Variants in CIT observed in about 807,000 individuals in gnomAD.
CIT encodes the protein citron Rho-interacting kinase.
In CIT, 79 loss-of-function variants were observed where a neutral mutation model predicts 272.7. The observed-to-expected ratio is 0.29, with a 90% CI of 0.24 to 0.35. The LOEUF (loss-of-function observed/expected upper bound fraction) is 0.35, where lower values mean the gene tolerates loss of function less well. CIT is among the 10% of genes least tolerant of loss of function. The probability of loss-of-function intolerance (pLI) is 1.00; values close to 1 mark genes in which losing one functional copy is unlikely to be tolerated. For missense variants in CIT, 1,909 were observed against 2,618.3 expected (o/e 0.73, Z 5.91); for synonymous variants, 948 against 995.6 (o/e 0.95, Z 0.90).
At chr12:119,803,134 C>T (rs540062072) in intron 10 of CIT, 72 bp downstream of exon 10, 1 of 373,386 alleles carries the variant, frequency 2.7e-6, no homozygotes, top group South Asian at 8.1e-5. Context: ...CCCCCACCCC[C>T]CCACCACCAC....
rs536738117 is a variant in CIT at position 119,822,801 on chromosome 12, G to A, written c.1111+19C>T. On this transcript the variant is annotated intron_variant, in intron 9 of 47. Coordinates refer to ENST00000392521, the MANE Select transcript of CIT (RefSeq NM_001206999.2). Reference sequence around the variant, plus strand: ...TCATAATCCCAACATCCCAAATTAAGGAAAACAGCCCTACTTACAGTTACG... The same window carrying A: ...TCATAATCCCAACATCCCAAATTAAAGAAAACAGCCCTACTTACAGTTACG... 1.2e-4 allele frequency: 187 copies of A among 1,613,000 alleles called. No homozygotes were observed. In the South Asian group the frequency reaches 2.0e-3, roughly 17 times the overall value.
chr12:119,800,932 A>G (rs1204137944), intron 10 of CIT, among the ~76,000 whole-genome samples: 2 of 152,194 alleles, frequency 1.3e-5, no homozygotes, highest in Non-Finnish European at 2.9e-5. Flanking sequence ...GCTTGTAGGT[A>G]TCACCCACAG....
chr12:119,742,276 G>C, intron 24 of CIT, 135 bp downstream of exon 24: 1 of 584,612 alleles, frequency 1.7e-6, no homozygotes, highest in Non-Finnish European at 2.8e-6. Flanking sequence ...TCCAAATAAG[G>C]TTGATTGCAT....
intron 6 of CIT, among the ~76,000 whole-genome samples, chr12:119,833,688 T>C (rs1225572557): frequency 7.3e-6 from 1 of 136,136 alleles, no homozygotes; most frequent in Non-Finnish European, 1.5e-5. Flanking sequence ...AAAAAAAAAA[T>C]TGTAAATTCT....
At chr12:119,774,096 G>C (rs144837766) in intron 16 of CIT, among the ~76,000 whole-genome samples, 3 of 152,268 alleles carry the variant, frequency 2.0e-5, no homozygotes, top group African/African-American at 4.8e-5. Context: ...GGTATATAAA[G>C]TAGTCAAAAT....
At chr12:119,782,418 C>T in intron 13 of CIT, 100 bp downstream of exon 13, 10 of 1,391,494 alleles carry the variant, frequency 7.2e-6, no homozygotes, top group Non-Finnish European at 9.9e-6. Flanking sequence ...CCCTTTCTCT[C>T]TCTCCCTTTC....
intron 46 of CIT, among the ~76,000 whole-genome samples, chr12:119,693,157 C>T: frequency 6.6e-6 from 1 of 152,168 alleles, no homozygotes. Context: ...AAGGAACACA[C>T]CCGTCATTCC....
intron 3 of CIT, among the ~76,000 whole-genome samples, chr12:119,864,605 A>G (rs1950463369): frequency 6.6e-6 from 1 of 152,210 alleles, no homozygotes; most frequent in African/African-American, 2.4e-5. Context: ...CAGTGCTGGG[A>G]TTACAGGCGT....
chr12:119,762,000 C>A (rs142988808), intron 19 of CIT, among the ~76,000 whole-genome samples: 8 of 152,166 alleles, frequency 5.3e-5, no homozygotes, highest in African/African-American at 1.9e-4. Flanking sequence ...AGGCTCCATT[C>A]GACTTTTCCA....
Position 119,697,957 on chromosome 12 carries a change from A to G in CIT, c.5702+19T>C, listed in dbSNP as rs1436052535. 2.5e-6 allele frequency: 4 copies of G among 1,614,092 alleles called. No homozygotes were observed. Among genetic ancestry groups the G allele is most frequent in the East Asian group, 2.2e-5 (1 of 44,876 alleles). On this transcript the variant is annotated intron_variant, in intron 45 of 47. Coordinates refer to ENST00000392521, the MANE Select transcript of CIT (RefSeq NM_001206999.2). The surrounding 1 kb of genome is among the most constrained non-coding windows in gnomAD (Gnocchi z 4.9). ...CCCCAATAGCTGAAGTTTTCCACGCATGGGAGGACAATGCTTACCCTGCTG... is the reference window on the plus strand; with the variant it reads ...CCCCAATAGCTGAAGTTTTCCACGCGTGGGAGGACAATGCTTACCCTGCTG...
chr12:119,699,531 C>T (rs965259244), intron 44 of CIT, among the ~76,000 whole-genome samples: 7 of 152,230 alleles, frequency 4.6e-5, no homozygotes, highest in Admixed American at 1.3e-4. Context: ...ACTCTGCGGT[C>T]TGCTCTAACC....
chr12:119,860,792 T>C (rs2138332030), intron 3 of CIT, among the ~76,000 whole-genome samples: 1 of 149,256 alleles, frequency 6.7e-6, no homozygotes, highest in East Asian at 2.0e-4. Context: ...GGTGAACAGA[T>C]GAGAGGCTAC....
chr12:119,812,136 C>T lies in CIT; in HGVS notation c.1112-8747G>A, dbSNP rs112948040. Among the ~76,000 whole-genome samples, 170 of 151,850 alleles carry T rather than the reference C, an allele frequency of 1.1e-3. 1 individual carries two copies. The highest frequency in any genetic ancestry group is 3.8e-3 in the African/African-American group (156 of 41,430). On this transcript the variant is annotated intron_variant, in intron 9 of 47. Coordinates refer to ENST00000392521, the MANE Select transcript of CIT (RefSeq NM_001206999.2). ...ACTTTTTTTGTATTTTTAGTAGAGACGGGGTTTTACCATGTTGGCCAGGCT... is the reference window on the plus strand; with the variant it reads ...ACTTTTTTTGTATTTTTAGTAGAGATGGGGTTTTACCATGTTGGCCAGGCT...
intron 40 of CIT, among the ~76,000 whole-genome samples, chr12:119,706,698 T>C (rs953915027): frequency 7.2e-5 from 11 of 152,216 alleles, no homozygotes; most frequent in Non-Finnish European, 1.3e-4. Flanking sequence ...TTGATGGGCA[T>C]TTAGGTGGAT....
At chr12:119,734,132 G>C in intron 26 of CIT, 32 bp downstream of exon 26, 1 of 1,608,100 alleles carries the variant, frequency 6.2e-7, no homozygotes, top group South Asian at 1.1e-5. Context: ...GCGGTCACCT[G>C]TCATGAGCTT....
rs1412503638 is a variant in CIT at position 119,804,302 on chromosome 12, G to T, written c.1112-913C>A. 1 of 985,414 alleles carries T rather than the reference G, an allele frequency of 1.0e-6. No individual in the cohort carries two copies. 61.0% of individuals were successfully genotyped at this position (985,414 alleles called of 1,614,324 possible). A position where few individuals can be genotyped will look rare whatever the true frequency, so the allele number is the denominator to read the frequency against. On this transcript the variant is annotated intron_variant, in intron 9 of 47. Transcript: ENST00000392521. This position sits in a 1 kb window ranked among gnomAD's most constrained non-coding sequence, Gnocchi z 5.3. ...TGCCCATCGCGGTGGGCTCCCGGGG[G>T]TGTCCCCCGCCAGAAACGTTACCAT... is the stretch of plus-strand genomic sequence containing the variant.
intron 39 of CIT, among the ~76,000 whole-genome samples, chr12:119,709,871 T>A (rs1289122826): frequency 1.3e-5 from 2 of 150,560 alleles, no homozygotes; most frequent in Middle Eastern, 3.4e-3. Flanking sequence ...TGACAAAATA[T>A]TAGCAAATGG....
At chr12:119,843,696 G>A (rs1969570431) in intron 5 of CIT, among the ~76,000 whole-genome samples, 1 of 152,018 alleles carries the variant, frequency 6.6e-6, no homozygotes, top group Admixed American at 6.6e-5. Flanking sequence ...TATAATCCCA[G>A]CTACTCAGGA....
chr12:119,713,529 C>A lies in CIT; in HGVS notation c.4426G>T (p.Gly1476Cys). The change falls in exon 34 of 48, where the codon GGT becomes TGT. Residue 1476 changes from glycine to cysteine, a missense_variant. By Grantham distance (159) the Gly-to-Cys change is radical (BLOSUM62 -3). Around this residue, in one of 8 missense-constraint regions of CIT, gnomAD observed 780 missense variants for 1,067.2 expected, o/e 0.73. Coordinates refer to ENST00000392521, the MANE Select transcript of CIT (RefSeq NM_001206999.2). The surrounding 1 kb of genome is among the most constrained non-coding windows in gnomAD (Gnocchi z 5.2). ...CTGCTGGGCTCCTTGGTCTGGAGAC[C>A]TGGGGAGTTCATTTTGTCACGGCAG... ...AFCRDKMNSP[G>C]LQTKEPSSSL... The A allele has an allele frequency of 6.2e-7, 1 of 1,614,192 alleles. No homozygotes were observed. The highest frequency in any genetic ancestry group is 8.5e-7 in the Non-Finnish European group (1 of 1,180,040).
Sources: allele counts gnomAD v4.1 joint callset (sites outside exome capture counted in the v4.1 genomes callset), GRCh38; gene constraint gnomAD v4.1.1; regional missense constraint gnomAD v4.1.1; non-coding constraint Gnocchi (gnomAD v3.1); transcripts MANE v1.5; gene names NCBI Gene and HGNC (gene_info 2026-07-23, HGNC 2026-07-21).